Variants in DIP2A observed in about 807,000 individuals in gnomAD.
DIP2A encodes DIP2 acetate--CoA ligase A.
In DIP2A, 85 loss-of-function variants were observed where a neutral mutation model predicts 177.4. The observed-to-expected ratio is 0.48, with a 90% CI of 0.40 to 0.57. The LOEUF (loss-of-function observed/expected upper bound fraction) is 0.57. Among genes scored for constraint, DIP2A ranks in the 20% least tolerant of loss-of-function variants. The pLI is 0.00. For missense variants in DIP2A, 1,791 were observed against 2,100.2 expected (o/e 0.85, Z 2.88); for synonymous variants, 886 against 881.8 (o/e 1.00, Z -0.08).
chr21:46,521,969 G>C (rs2058843418), intron 8 of DIP2A, among the ~76,000 whole-genome samples: 1 of 152,128 alleles, frequency 6.6e-6, no homozygotes, highest in Non-Finnish European at 1.5e-5. Flanking sequence ...CTTGCAGGTA[G>C]AACTGCTTTT....
At chr21:46,573,955 A>C (rs1434001839), downstream of DIP2A, among the ~76,000 whole-genome samples, 2 of 152,158 alleles carry the variant, frequency 1.3e-5, no homozygotes, top group Non-Finnish European at 2.9e-5. Flanking sequence ...GAACAATAAG[A>C]CATAAGTAAG....
the DIP2A span, among the ~76,000 whole-genome samples, chr21:46,579,265 CTG>C: frequency 6.6e-6 from 1 of 152,176 alleles, no homozygotes; most frequent in Non-Finnish European, 1.5e-5. Context: ...ATAGTATTCT[CTG>C]ATGGTTGTTT....
rs1164482051 is a variant in DIP2A, at chr21:46,538,506, C to T, written c.1825C>T (p.Arg609Ter). ...AGCTCGGGCCGCGCTGGTGAAGTCG[C>T]GAGACATGCACTGGTCTCTCCTAGC... ...YKARAALVKS[R>*]DMHWSLLAQR... The change falls in exon 16 of 38, where the codon CGA becomes TGA. Residue 609 changes from arginine to a stop codon, truncating the protein, a stop_gained. Coordinates refer to ENST00000417564, the MANE Select transcript of DIP2A (RefSeq NM_015151.4). LOFTEE classifies it high-confidence loss of function. 7.7e-6 allele frequency: 12 copies of T among 1,551,482 alleles called. No homozygotes were observed. The highest frequency in any genetic ancestry group is 2.4e-5 in the South Asian group (2 of 84,256).
At position 46,560,233 on chromosome 21, in the gene DIP2A, G is replaced by A. The variant is rs116891360; in HGVS notation, c.3970-489G>A. Among the ~76,000 whole-genome samples the A allele has an allele frequency of 5.0e-3, 767 of 152,220 alleles. 5 individuals carry two copies. Among genetic ancestry groups the A allele is most frequent in the Non-Finnish European group, 5.0e-3 (341 of 68,004 alleles). On this transcript the variant is annotated intron_variant, in intron 32 of 37. Transcript: ENST00000417564. The stretch of plus-strand genomic sequence containing the variant: ...AAATGACACATAATGTCCTTTAGTC[G>A]GGATTAATGTTAACTGTAAGATTCA...
rs577858716 is a variant in DIP2A at position 46,516,555 on chromosome 21, C to T, written c.1102+4941C>T. Among the ~76,000 whole-genome samples the T allele has an allele frequency of 9.5e-5, 12 of 126,354 alleles. No homozygotes were observed. In the South Asian group the frequency reaches 1.8e-3, roughly 19 times the overall value. The allele number at this position is 126,354 out of a possible 152,430, so 82.9% of individuals were successfully genotyped here. On this transcript the variant is annotated intron_variant, in intron 8 of 37. Transcript: ENST00000417564. ...CGCCCAGGCTGGAGTGCAAGTGGTG[C>T]GATGTCAGCTCACTGCAAGCTCCGC...
intron 8 of DIP2A, 150 bp from the exon 9 acceptor site, chr21:46,528,942 A>C (rs924381261): frequency 2.0e-6 from 1 of 496,534 alleles, no homozygotes; most frequent in Non-Finnish European, 3.5e-6. Context: ...GTTCATTACA[A>C]CATTGTGCAG....
At chr21:46,469,178 A>G (rs1478580648) in intron 1 of DIP2A, 1 of 152,264 alleles carries the variant, frequency 6.6e-6, no homozygotes, top group Non-Finnish European at 1.5e-5. Context: ...TGATCTGCTC[A>G]TCTTTCTGTC....
intron 18 of DIP2A, among the ~76,000 whole-genome samples, 170 bp from the exon 19 acceptor site, chr21:46,544,967 C>T (rs2059969524): frequency 6.6e-6 from 1 of 152,188 alleles, no homozygotes; most frequent in Non-Finnish European, 1.5e-5. Flanking sequence ...AATATAAAGA[C>T]TTACAGCTAG....
intron 1 of DIP2A, among the ~76,000 whole-genome samples, chr21:46,483,840 G>T (rs888904784): frequency 2.0e-5 from 3 of 152,190 alleles, no homozygotes; most frequent in Admixed American, 6.5e-5. Flanking sequence ...TCACCCAGAG[G>T]ACAAGCTAAT....
chr21:46,463,098 G>C (rs1466172753), intron 1 of DIP2A: 1 of 152,274 alleles, frequency 6.6e-6, no homozygotes, highest in Non-Finnish European at 1.5e-5. Context: ...AAGATGAAGA[G>C]TAGAAGTACA....
rs372393044 is a variant in DIP2A, at chr21:46,526,818, A to G, written c.1103-2274A>G. Among the ~76,000 whole-genome samples the G allele has an allele frequency of 5.9e-5, 9 of 152,326 alleles. No homozygotes were observed. The East Asian group carries it at 1.7e-3, about 29-fold the overall frequency. On this transcript the variant is annotated intron_variant, in intron 8 of 37. Coordinates refer to ENST00000417564, the MANE Select transcript of DIP2A (RefSeq NM_015151.4). ...TACACCATCGTGTCATCTGCAAATA[A>G]TGGTAGTTATATTTCCAGTTGTTCA...
At chr21:46,484,375 G>A (rs1448575166) in intron 1 of DIP2A, among the ~76,000 whole-genome samples, 4 of 152,108 alleles carry the variant, frequency 2.6e-5, no homozygotes, top group Non-Finnish European at 4.4e-5. Context: ...CACTCCCAAC[G>A]TAGAACAGTT....
In DIP2A at chr21:46,498,933, T is replaced by A. The variant is rs2148533318; in HGVS notation, c.655+100T>A. The A allele has an allele frequency of 7.0e-7, 1 of 1,431,004 alleles. No homozygotes were observed. Among genetic ancestry groups the A allele is most frequent in the Non-Finnish European group, 9.2e-7 (1 of 1,083,108 alleles). 88.6% of individuals were successfully genotyped at this position (1,431,004 alleles called of 1,614,324 possible). On this transcript the variant is annotated intron_variant, in intron 5 of 37. Coordinates refer to ENST00000417564, the MANE Select transcript of DIP2A (RefSeq NM_015151.4). This position sits in a 1 kb window ranked among gnomAD's most constrained non-coding sequence, Gnocchi z 4.3. ...AGGGCACCTGAGCCAGGCGCCACCC[T>A]GCAGACTTAGCTGCAGGCCTGAGTG...
chr21:46,539,698 A>G (rs2059725770), intron 16 of DIP2A, 179 bp from the exon 17 acceptor site: 3 of 640,950 alleles, frequency 4.7e-6, no homozygotes, highest in Non-Finnish European at 8.5e-6. Context: ...CTTTAAAGAT[A>G]CCATCTTCCT....
chr21:46,460,829 G>A (rs1220473719), intron 1 of DIP2A, among the ~76,000 whole-genome samples: 1 of 152,000 alleles, frequency 6.6e-6, no homozygotes, highest in East Asian at 1.9e-4. Flanking sequence ...GAGTAGCTGG[G>A]ATTACAGGGG....
chr21:46,529,318 G>A (rs1673540268), intron 9 of DIP2A, 135 bp downstream of exon 9: 1 of 630,076 alleles, frequency 1.6e-6, no homozygotes, highest in South Asian at 1.9e-5. Context: ...CAGCAGTGAG[G>A]ACTGGGTGCG....
intron 21 of DIP2A, among the ~76,000 whole-genome samples, chr21:46,547,530 C>T (rs2060101171): frequency 1.3e-5 from 2 of 152,104 alleles, no homozygotes; most frequent in African/African-American, 4.8e-5. Flanking sequence ...TGCCCCTGGG[C>T]ACAGGGGCCA....
chr21:46,536,777 G>T (rs1569061373), intron 13 of DIP2A, among the ~76,000 whole-genome samples: 2 of 152,102 alleles, frequency 1.3e-5, no homozygotes, highest in African/African-American at 4.8e-5. Flanking sequence ...GGCAGCGCAT[G>T]CCTGTAGTCC....
At chr21:46,466,342 C>CTTTTTT (rs71187318) in intron 1 of DIP2A, among the ~76,000 whole-genome samples, 27 of 89,602 alleles carry the variant, frequency 3.0e-4, no homozygotes, top group East Asian at 8.4e-4. Flanking sequence ...TACATTATAA[C>CTTTTTT]TTTTTTTTTT....
Sources: allele counts gnomAD v4.1 joint callset (sites outside exome capture counted in the v4.1 genomes callset), GRCh38; gene constraint gnomAD v4.1.1; non-coding constraint Gnocchi (gnomAD v3.1); transcripts MANE v1.5; gene names NCBI Gene and HGNC (gene_info 2026-07-23, HGNC 2026-07-21).